PTPRJ: variants seen among roughly 807,000 people sequenced by gnomAD.
The protein encoded by PTPRJ is receptor-type tyrosine-protein phosphatase eta.
PTPRJ carries 129 observed loss-of-function variants against 141.3 expected under a neutral mutation model. The ratio of observed to expected loss-of-function variants is 0.91; its 90% CI spans 0.79 to 1.06. The LOEUF is 1.06. PTPRJ is among the 50% of genes least tolerant of loss of function. The probability of loss-of-function intolerance (pLI) is 0.00; values close to 1 mark genes in which losing one functional copy is unlikely to be tolerated. For synonymous variants in PTPRJ, 610 were observed against 640.5 expected, an observed-to-expected ratio of 0.95 and a Z score of 0.72; for missense variants, 1,601 against 1,679.7, an observed-to-expected ratio of 0.95 and a Z score of 0.82.
At chr11:48,127,233 T>C (rs145176531) in intron 6 of PTPRJ, among the ~76,000 whole-genome samples, 1 of 151,978 alleles carries the variant, frequency 6.6e-6, no homozygotes, top group Non-Finnish European at 1.5e-5. Context: ...GAGGGTGGAG[T>C]GGGCAGGTGG....
At chr11:48,015,492 C>G (rs1854926541) in intron 1 of PTPRJ, among the ~76,000 whole-genome samples, 1 of 152,094 alleles carries the variant, frequency 6.6e-6, no homozygotes, top group South Asian at 2.1e-4. Flanking sequence ...GCCTGGTTCT[C>G]TTGTTTGTTT....
At chr11:47,988,541 A>G (rs1854109783) in intron 1 of PTPRJ, among the ~76,000 whole-genome samples, 1 of 151,966 alleles carries the variant, frequency 6.6e-6, no homozygotes, top group African/African-American at 2.4e-5. Context: ...TGGATTTACT[A>G]CAATTTATTT....
intron 3 of PTPRJ, among the ~76,000 whole-genome samples, chr11:48,118,977 G>A (rs899224067): frequency 3.2e-5 from 4 of 124,044 alleles, no homozygotes; most frequent in African/African-American, 1.2e-4. Context: ...CCAAGATCAC[G>A]CCACTACACT....
At chr11:48,150,303 T>C in intron 18 of PTPRJ, 120 bp downstream of exon 18, 1 of 752,856 alleles carries the variant, frequency 1.3e-6, no homozygotes, top group South Asian at 1.7e-5. Flanking sequence ...TGTAGGCAGT[T>C]GGGACATGGC....
At chr11:47,982,841 G>A (rs1346455802) in intron 1 of PTPRJ, among the ~76,000 whole-genome samples, 1 of 151,766 alleles carries the variant, frequency 6.6e-6, no homozygotes, top group Admixed American at 6.6e-5. Context: ...CCTGTATTTA[G>A]ATATTTCCTT....
At chr11:48,017,252 C>T (rs1253988390) in intron 1 of PTPRJ, among the ~76,000 whole-genome samples, 1 of 152,072 alleles carries the variant, frequency 6.6e-6, no homozygotes, top group Non-Finnish European at 1.5e-5. Context: ...GACATCTGTG[C>T]ACATCATTCT....
rs1370404691 is a variant in PTPRJ, at chr11:48,138,873, A to G, written c.2153-613A>G. On this transcript the variant is annotated intron_variant, in intron 10 of 24. Transcript: ENST00000418331. ...GGCCTTGGCTGGGCTGGTGGCTCAC[A>G]CCTATAATCCCAGCACTTTGGGAGG... 2.0e-5 allele frequency among the ~76,000 whole-genome samples: 3 copies of G among 152,248 alleles called. No homozygotes were observed. The East Asian group carries it at 5.8e-4, about 29-fold the overall frequency.
chr11:48,157,478 T>C (rs1282743784), intron 21 of PTPRJ, among the ~76,000 whole-genome samples: 1 of 152,212 alleles, frequency 6.6e-6, no homozygotes, highest in Non-Finnish European at 1.5e-5. Context: ...TCTCAAACTT[T>C]AGCATCCATC....
intron 1 of PTPRJ, among the ~76,000 whole-genome samples, chr11:48,039,487 G>A (rs1854219868): frequency 6.6e-6 from 1 of 151,986 alleles, no homozygotes; most frequent in South Asian, 2.1e-4. Context: ...GTGTGTGTGT[G>A]TGTGTGTGTG....
At position 47,980,867 on chromosome 11, in the gene PTPRJ, G is replaced by A; in HGVS notation, c.-46G>A. ...CGGTGCCCGGGCTCGGGCGCACGGC[G>A]GGGCCCGATTCGCGCGTCCGGGGCA... On this transcript the variant is annotated 5_prime_UTR_variant, in exon 1 of 25. Transcript: ENST00000418331. 2 of 1,094,100 alleles carry A rather than the reference G, an allele frequency of 1.8e-6. No individual in the cohort carries two copies. The highest frequency in any genetic ancestry group is 4.4e-5 in the South Asian group (1 of 22,948). The allele number at this position is 1,094,100 out of a possible 1,614,324, so 67.8% of individuals were successfully genotyped here. A position where few individuals can be genotyped will look rare whatever the true frequency, so the allele number is the denominator to read the frequency against.
At chr11:48,157,324 A>G (rs1229676106) in intron 21 of PTPRJ, among the ~76,000 whole-genome samples, 1 of 152,146 alleles carries the variant, frequency 6.6e-6, no homozygotes, top group Non-Finnish European at 1.5e-5. Flanking sequence ...ATTTCCATGA[A>G]TTGATGTGAA....
chr11:48,028,564 G>T (rs1398806690), intron 1 of PTPRJ, among the ~76,000 whole-genome samples: 2 of 152,242 alleles, frequency 1.3e-5, no homozygotes, highest in African/African-American at 4.8e-5. Context: ...GCTGAGGTGG[G>T]TGGCTCACCT....
rs1460014183 is a variant in PTPRJ, at chr11:48,067,515, G to C, written c.97-42543G>C. Among the ~76,000 whole-genome samples, 89 of 152,134 alleles carry C rather than the reference G, an allele frequency of 5.9e-4. 3 individuals carry two copies. The highest frequency in any genetic ancestry group is 5.8e-3 in the Admixed American group (88 of 15,258). On this transcript the variant is annotated intron_variant, in intron 1 of 24. Coordinates refer to ENST00000418331, the MANE Select transcript of PTPRJ (RefSeq NM_002843.4). ...GGGCCCTCTGACTGTGAATTTATTT[G>C]GAAATTTGAAAGAGAAGAGAGTCTT...
intron 1 of PTPRJ, among the ~76,000 whole-genome samples, chr11:47,986,520 A>T (rs1390968322): frequency 4.6e-5 from 7 of 151,916 alleles, no homozygotes; most frequent in Non-Finnish European, 7.4e-5. Context: ...TCATATGACA[A>T]TTTTTTCTTT....
At chr11:48,077,016 G>A (rs1414795075) in intron 1 of PTPRJ, among the ~76,000 whole-genome samples, 2 of 151,954 alleles carry the variant, frequency 1.3e-5, no homozygotes, top group East Asian at 3.9e-4. Context: ...TACAGGCACG[G>A]GCCACTATGC....
chr11:48,138,588 A>G (rs775088032), intron 10 of PTPRJ, among the ~76,000 whole-genome samples: 2 of 152,208 alleles, frequency 1.3e-5, no homozygotes, highest in Non-Finnish European at 2.9e-5. Context: ...TCCTCAGTAA[A>G]AATCTAATGG....
intron 10 of PTPRJ, among the ~76,000 whole-genome samples, chr11:48,138,837 A>G (rs1180755155): frequency 1.3e-5 from 2 of 152,200 alleles, no homozygotes; most frequent in African/African-American, 2.4e-5. Context: ...TCTCAGAAGT[A>G]TCATCAAGAG....
intron 8 of PTPRJ, chr11:48,131,457 C>T (rs1008155576): frequency 2.6e-6 from 2 of 767,952 alleles, no homozygotes; most frequent in African/African-American, 3.4e-5. Context: ...GCCTTTTCCC[C>T]AACTTGCCAA....
rs1402006404 is a variant in PTPRJ at position 48,145,064 on chromosome 11, G to T, written c.2851G>T (p.Ala951Ser). 6.2e-7 allele frequency: 1 copy of T among 1,614,198 alleles called. No individual in the cohort carries two copies. Among genetic ancestry groups the T allele is most frequent in the Admixed American group, 1.7e-5 (1 of 60,028 alleles). ...HPQNKGLIDGAESYVSFSRYS... is the reference protein window; with the variant it reads ...HPQNKGLIDGSESYVSFSRYS... ...TCAAAACAAGGGGCTCATTGATGGG[G>T]CTGAGAGCTATGTGTCCTTCAGTCG... Residue 951 changes from alanine (A) to serine (S), a missense_variant, in exon 14 of 25, where the codon GCT becomes TCT. Transcript: ENST00000418331.
Sources: gnomAD v4.1 joint callset for allele counts (sites outside exome capture counted in the v4.1 genomes callset) on GRCh38, gnomAD v4.1.1 for gene constraint, MANE v1.5 for transcripts, NCBI Gene and HGNC (gene_info 2026-07-23, HGNC 2026-07-21) for gene names.